Variants in LRMDA observed in about 807,000 individuals in gnomAD.
LRMDA encodes leucine-rich melanocyte differentiation-associated protein.
In LRMDA, 18 loss-of-function variants were observed where a neutral mutation model predicts 29.8. That is an observed-to-expected ratio of 0.60 (90% CI 0.42 to 0.90). The LOEUF (loss-of-function observed/expected upper bound fraction) is 0.90. Ranked by LOEUF, LRMDA falls within the 40% of genes least tolerant of loss-of-function variation. The pLI, the probability that LRMDA is intolerant of heterozygous loss-of-function variation, is 0.00. For synonymous variants in LRMDA, 125 were observed against 109.4 expected (o/e 1.14, Z -0.89); for missense variants, 273 against 273.9 (o/e 1.00, Z 0.02).
At chr10:75,535,453 G>T (rs902633690) in intron 2 of LRMDA, among the ~76,000 whole-genome samples, 2 of 151,970 alleles carry the variant, frequency 1.3e-5, no homozygotes, top group African/African-American at 4.8e-5. Context: ...TTAAAGATTT[G>T]TTATTCAAGC....
chr10:76,262,255 C>A (rs1839953144), intron 5 of LRMDA, among the ~76,000 whole-genome samples: 1 of 152,118 alleles, frequency 6.6e-6, no homozygotes. Context: ...CCTTCAAATG[C>A]ATATAACCTA....
intron 2 of LRMDA, among the ~76,000 whole-genome samples, chr10:75,806,883 CTA>C (rs1042814599): frequency 2.0e-5 from 3 of 151,358 alleles, no homozygotes; most frequent in African/African-American, 7.3e-5. Context: ...TCTTCCTATT[CTA>C]TGTCTTAGGC....
chr10:75,677,151 TATGCTAC>T (rs1341482032), intron 2 of LRMDA, among the ~76,000 whole-genome samples: 16 of 152,266 alleles, frequency 1.1e-4, no homozygotes, highest in Non-Finnish European at 2.1e-4. Flanking sequence ...GCCAGTGCCC[TATGCTAC>T]ATGGAGTTTG....
chr10:75,653,282 T>C (rs1420597970), intron 2 of LRMDA, among the ~76,000 whole-genome samples: 1 of 152,248 alleles, frequency 6.6e-6, no homozygotes, highest in African/African-American at 2.4e-5. Context: ...GAGAAAAACC[T>C]GCCCTCAATT....
chr10:76,288,822 ATGT>A (rs1840304403), intron 5 of LRMDA, among the ~76,000 whole-genome samples: 1 of 152,170 alleles, frequency 6.6e-6, no homozygotes, highest in Admixed American at 6.5e-5. Context: ...ATTGCTTGGG[ATGT>A]ACAAAGCCAG....
intron 6 of LRMDA, among the ~76,000 whole-genome samples, chr10:76,416,301 C>T (rs1391602520): frequency 6.6e-6 from 1 of 152,152 alleles, no homozygotes; most frequent in Non-Finnish European, 1.5e-5. Context: ...CCCTGTCCTG[C>T]TGAGGTTCGT....
chr10:75,487,887 A>C (rs1237751181), intron 2 of LRMDA, among the ~76,000 whole-genome samples: 1 of 152,190 alleles, frequency 6.6e-6, no homozygotes, highest in African/African-American at 2.4e-5. Context: ...GAGATGGGGC[A>C]TGGGTCACTC....
chr10:76,037,405 G>C (rs4745807), intron 3 of LRMDA, among the ~76,000 whole-genome samples: 218 of 152,336 alleles, frequency 1.4e-3, no homozygotes, highest in African/African-American at 4.8e-3. Flanking sequence ...TACATGTAAG[G>C]CTTGGCACAT....
chr10:75,612,206 T>TA (rs1192984080), intron 2 of LRMDA, among the ~76,000 whole-genome samples: 6 of 152,234 alleles, frequency 3.9e-5, no homozygotes, highest in Admixed American at 3.9e-4. Context: ...GTTTTACTTA[T>TA]GCAGTGCCTT....
chr10:75,618,685 A>G (rs555140274), intron 2 of LRMDA, among the ~76,000 whole-genome samples: 7 of 150,310 alleles, frequency 4.7e-5, no homozygotes, highest in African/African-American at 1.7e-4. Context: ...ATTAACATAT[A>G]TTTTGTATAT....
intron 5 of LRMDA, among the ~76,000 whole-genome samples, chr10:76,162,467 C>G (rs1850664414): frequency 6.6e-6 from 1 of 152,126 alleles, no homozygotes; most frequent in South Asian, 2.1e-4. Flanking sequence ...TTAATTGGCT[C>G]ACAGTCCTGC....
chr10:75,838,243 G>A (rs1844477086), intron 2 of LRMDA, among the ~76,000 whole-genome samples: 1 of 152,086 alleles, frequency 6.6e-6, no homozygotes, highest in African/African-American at 2.4e-5. Flanking sequence ...AAAGTGCTTT[G>A]CAATGCATGC....
At chr10:76,519,415 A>T (rs1351147548) in intron 6 of LRMDA, among the ~76,000 whole-genome samples, 1 of 152,216 alleles carries the variant, frequency 6.6e-6, no homozygotes, top group African/African-American at 2.4e-5. Flanking sequence ...CTTAATGGTA[A>T]AAAGTTAGAA....
At chr10:76,234,914 T>A (rs1852124575) in intron 5 of LRMDA, among the ~76,000 whole-genome samples, 1 of 152,352 alleles carries the variant, frequency 6.6e-6, no homozygotes, top group South Asian at 2.1e-4. Flanking sequence ...TTTCACTTTC[T>A]TATCATTCAT....
At chr10:75,884,085 C>T (rs1009178792) in intron 2 of LRMDA, among the ~76,000 whole-genome samples, 2 of 151,698 alleles carry the variant, frequency 1.3e-5, no homozygotes, top group African/African-American at 2.4e-5. Context: ...AGTAGACATA[C>T]GTGAACATTT....
At chr10:76,142,095 G>T (rs1027251697) in intron 5 of LRMDA, among the ~76,000 whole-genome samples, 3 of 151,996 alleles carry the variant, frequency 2.0e-5, no homozygotes, top group Middle Eastern at 6.8e-3. Flanking sequence ...TAGGCTGCAA[G>T]AAATTTTCTA....
rs951015231 is a variant in LRMDA, at chr10:75,431,704, G to A, written c.-21G>A. On this transcript the variant is annotated 5_prime_UTR_variant, in exon 1 of 7. Coordinates refer to ENST00000611255, the MANE Select transcript of LRMDA (RefSeq NM_001305581.2). ...CGCGCCCCCGCGCTCCGTCCCGCGCGCCCGCAGCGTCCTGGCCGCCATGGC... is the reference window on the plus strand; with the variant it reads ...CGCGCCCCCGCGCTCCGTCCCGCGCACCCGCAGCGTCCTGGCCGCCATGGC... 4 of 1,311,654 alleles carry A rather than the reference G, an allele frequency of 3.0e-6. No individual in the cohort carries two copies. Among genetic ancestry groups the A allele is most frequent in the Non-Finnish European group, 3.9e-6 (4 of 1,033,652 alleles). The allele number at this position is 1,311,654 out of a possible 1,614,324, so 81.3% of individuals were successfully genotyped here.
At chr10:75,816,405 G>A (rs1238747375) in intron 2 of LRMDA, among the ~76,000 whole-genome samples, 2 of 152,156 alleles carry the variant, frequency 1.3e-5, no homozygotes, top group African/African-American at 2.4e-5. Context: ...GAGAAGACGA[G>A]CATCCTGTGG....
chr10:76,526,779 G>A lies in LRMDA; in HGVS notation c.602-30430G>A, dbSNP rs533149526. Among the ~76,000 whole-genome samples the A allele has an allele frequency of 2.1e-5, 3 of 139,824 alleles. No homozygotes were observed. The South Asian group carries it at 6.8e-4, about 32-fold the overall frequency. The allele number at this position is 139,824 out of a possible 152,430, so 91.7% of individuals were successfully genotyped here. A position where few individuals can be genotyped will look rare whatever the true frequency, so the allele number is the denominator to read the frequency against. On this transcript the variant is annotated intron_variant, in intron 6 of 6. Coordinates refer to ENST00000611255, the MANE Select transcript of LRMDA (RefSeq NM_001305581.2). ...ATCTCATTGTTCAATTCCCACCTAT[G>A]AGTGAGAATATGCGGTGTTTGAAGG...
Sources: allele counts gnomAD v4.1 joint callset (sites outside exome capture counted in the v4.1 genomes callset), GRCh38; gene constraint gnomAD v4.1.1; transcripts MANE v1.5; gene names NCBI Gene and HGNC (gene_info 2026-07-23, HGNC 2026-07-21).